Variants in SOX5 observed in about 807,000 individuals in gnomAD.
The protein encoded by SOX5 is transcription factor SOX-5.
SOX5 carries 9 observed loss-of-function variants against 92.0 expected under a neutral mutation model. The observed-to-expected ratio is 0.10, with a 90% CI of 0.06 to 0.17. The LOEUF (loss-of-function observed/expected upper bound fraction) is 0.17. SOX5 is among the 10% of genes least tolerant of loss of function. The pLI is 1.00. For synonymous variants in SOX5, 344 were observed against 336.3 expected (o/e 1.02, Z -0.25); for missense variants, 642 against 944.5 (o/e 0.68, Z 4.20).
intron 6 of SOX5, among the ~76,000 whole-genome samples, chr12:23,714,965 AATAG>A (rs771454296): frequency 3.4e-4 from 52 of 152,320 alleles, no homozygotes; most frequent in South Asian, 2.7e-3. Flanking sequence ...ATAAGTAATT[AATAG>A]ATAGTGAAAT....
intron 8 of SOX5, 57 bp downstream of exon 8, chr12:23,640,755 T>C: frequency 8.2e-7 from 1 of 1,226,128 alleles, no homozygotes. Flanking sequence ...AACACCATAA[T>C]AGCTGTTTTC....
At chr12:24,311,512 T>C (rs1949176168) in intron 2 of SOX5, among the ~76,000 whole-genome samples, 1 of 152,192 alleles carries the variant, frequency 6.6e-6, no homozygotes, top group South Asian at 2.1e-4. Context: ...ATATGAGGAA[T>C]AGGATTGAAC....
At chr12:24,212,366 A>C (rs1958715818) in intron 4 of SOX5, 2 of 531,510 alleles carry the variant, frequency 3.8e-6, no homozygotes, top group Non-Finnish European at 7.7e-6. Flanking sequence ...ATCTGATCAC[A>C]CTGAAGGACA....
chr12:24,238,504 G>A (rs1036590477), intron 3 of SOX5, among the ~76,000 whole-genome samples: 4 of 152,072 alleles, frequency 2.6e-5, no homozygotes, highest in South Asian at 2.1e-4. Context: ...AGCACATGCC[G>A]CCAATGTCCA....
chr12:24,403,788 C>T (rs951852825), intron 1 of SOX5, among the ~76,000 whole-genome samples: 3 of 152,124 alleles, frequency 2.0e-5, no homozygotes, highest in East Asian at 1.9e-4. Flanking sequence ...TTTCTCAATA[C>T]GCATATTTCT....
intron 1 of SOX5, among the ~76,000 whole-genome samples, chr12:24,380,923 A>G (rs1957760196): frequency 1.3e-5 from 2 of 152,170 alleles, no homozygotes; most frequent in South Asian, 4.1e-4. Context: ...AGTCCCTAAA[A>G]TCTCCATCCA....
chr12:23,931,587 A>G (rs1372748807), intron 1 of SOX5, among the ~76,000 whole-genome samples: 1 of 151,778 alleles, frequency 6.6e-6, no homozygotes, highest in Non-Finnish European at 1.5e-5. Flanking sequence ...TATTTCTTAA[A>G]GAGCAGAATA....
intron 4 of SOX5, among the ~76,000 whole-genome samples, chr12:24,061,901 G>T (rs955049018): frequency 6.6e-6 from 1 of 152,260 alleles, no homozygotes; most frequent in Middle Eastern, 3.4e-3. Context: ...ACTATATGAA[G>T]TATTCTCTTG....
intron 8 of SOX5, among the ~76,000 whole-genome samples, chr12:23,611,369 CGTGT>C (rs3030241): frequency 0.028 from 3,831 of 137,010 alleles, 83 homozygotes; most frequent in Middle Eastern, 0.062. Flanking sequence ...TGTGTGTGTG[CGTGT>C]GTGTGTGTGT....
intron 2 of SOX5, among the ~76,000 whole-genome samples, chr12:23,849,556 T>C (rs2096608964): frequency 6.6e-6 from 1 of 152,184 alleles, no homozygotes; most frequent in Admixed American, 6.5e-5. Flanking sequence ...TTAACCATAG[T>C]GCTATTATAC....
intron 2 of SOX5, among the ~76,000 whole-genome samples, chr12:24,359,103 G>A (rs550338): frequency 0.31 from 47,505 of 152,004 alleles, 8,707 homozygotes; most frequent in East Asian, 0.79. Context: ...CAGTGACTAC[G>A]TTTGCTTTGG....
chr12:23,696,266 G>A (rs746895418), intron 6 of SOX5, among the ~76,000 whole-genome samples: 1 of 151,892 alleles, frequency 6.6e-6, no homozygotes, highest in Non-Finnish European at 1.5e-5. Flanking sequence ...GAATCTTATT[G>A]TGGGATGATT....
At chr12:23,740,203 C>T (rs182740106) in intron 5 of SOX5, among the ~76,000 whole-genome samples, 1 of 152,312 alleles carries the variant, frequency 6.6e-6, no homozygotes, top group Admixed American at 6.5e-5. Context: ...AACTGTAATT[C>T]AACATCATAA....
chr12:23,844,518 C>T lies in SOX5; in HGVS notation c.481+1465G>A, dbSNP rs184058195. 5.5e-3 allele frequency among the ~76,000 whole-genome samples: 842 copies of T among 152,058 alleles called. 3 individuals carry two copies. Among genetic ancestry groups the T allele is most frequent in the Non-Finnish European group, 8.6e-3 (583 of 67,976 alleles). ...TGACTTCATGCAAAAAATTACAATGCAATCAAGTCTATTAAAATATCAAAA... is the reference window on the plus strand; with the variant it reads ...TGACTTCATGCAAAAAATTACAATGTAATCAAGTCTATTAAAATATCAAAA... On this transcript the variant is annotated intron_variant, in intron 3 of 14. Coordinates refer to ENST00000451604, the MANE Select transcript of SOX5 (RefSeq NM_006940.6).
chr12:24,266,034 ATGTGTGTGTGTGTGTGTGTGTGTGTGTG>A (rs59696898), intron 3 of SOX5, among the ~76,000 whole-genome samples: 3 of 127,622 alleles, frequency 2.4e-5, no homozygotes, highest in Admixed American at 8.0e-5. Context: ...ATGCCAGCTA[ATGTGTGTGTGTGTGTGTGTGTGTGTGTG>A]TGTGTGTGTG....
At chr12:24,531,410 T>G (rs961650627) in intron 1 of SOX5, among the ~76,000 whole-genome samples, 7 of 152,176 alleles carry the variant, frequency 4.6e-5, no homozygotes, top group African/African-American at 1.7e-4. Flanking sequence ...AATCTAAAAA[T>G]GGACACATTT....
intron 3 of SOX5, among the ~76,000 whole-genome samples, chr12:23,817,952 A>C (rs1407988176): frequency 6.6e-6 from 1 of 152,254 alleles, no homozygotes; most frequent in Non-Finnish European, 1.5e-5. Flanking sequence ...AGAATGACTG[A>C]ATAGGTGATC....
At chr12:23,858,150 T>C (rs972169323) in intron 2 of SOX5, among the ~76,000 whole-genome samples, 4 of 152,112 alleles carry the variant, frequency 2.6e-5, no homozygotes, top group Admixed American at 1.3e-4. Context: ...TTTTTTACAA[T>C]GTATGTTACT....
intron 3 of SOX5, among the ~76,000 whole-genome samples, chr12:24,229,321 GT>G (rs1208255626): frequency 1.3e-5 from 2 of 152,200 alleles, no homozygotes; most frequent in Non-Finnish European, 2.9e-5. Context: ...TCATTGCCAA[GT>G]GTCGAACTGA....
Sources: allele counts gnomAD v4.1 joint callset (sites outside exome capture counted in the v4.1 genomes callset), GRCh38; gene constraint gnomAD v4.1.1; transcripts MANE v1.5; gene names NCBI Gene and HGNC (gene_info 2026-07-23, HGNC 2026-07-21).